PTPRD: variants seen among roughly 807,000 people sequenced by gnomAD.
PTPRD encodes receptor-type tyrosine-protein phosphatase delta.
Under a neutral mutation model 214.5 loss-of-function variants are expected in PTPRD, and 34 were observed. The observed-to-expected ratio is 0.16, with a 90% confidence interval of 0.12 to 0.21. The LOEUF is 0.21. PTPRD is among the 10% of genes least tolerant of loss of function. PTPRD has a pLI of 1.00. For synonymous variants in PTPRD, 1,128 were observed against 845.7 expected (o/e 1.33, Z -5.79); for missense variants, 2,545 against 2,398.7 (o/e 1.06, Z -1.27).
At chr9:9,015,370 G>C (rs933910643) in intron 11 of PTPRD, among the ~76,000 whole-genome samples, 5 of 152,122 alleles carry the variant, frequency 3.3e-5, no homozygotes, top group African/African-American at 1.2e-4. Flanking sequence ...GGCCACAAGA[G>C]TGACCTCTGG....
intron 2 of PTPRD, among the ~76,000 whole-genome samples, chr9:10,528,339 C>G (rs959111370): frequency 3.3e-5 from 5 of 152,172 alleles, no homozygotes; most frequent in African/African-American, 9.6e-5. Flanking sequence ...GTTTCCACAT[C>G]TGCTAATCTA....
At chr9:8,799,839 C>A (rs1348740924) in intron 11 of PTPRD, among the ~76,000 whole-genome samples, 2 of 152,052 alleles carry the variant, frequency 1.3e-5, no homozygotes, top group African/African-American at 2.4e-5. Context: ...GATCTCCCAA[C>A]TCCCCCACAC....
intron 11 of PTPRD, among the ~76,000 whole-genome samples, chr9:8,960,215 A>G (rs2099151730): frequency 1.3e-5 from 2 of 152,082 alleles, no homozygotes; most frequent in Non-Finnish European, 2.9e-5. Flanking sequence ...TCAGGAACAG[A>G]TAAGGTAGTA....
chr9:10,593,690 A>C (rs2076020595), intron 2 of PTPRD, among the ~76,000 whole-genome samples: 1 of 151,996 alleles, frequency 6.6e-6, no homozygotes, highest in East Asian at 1.9e-4. Context: ...TTTTCTAAAA[A>C]TTTTGGCAGA....
chr9:8,443,052 G>C (rs2095600657), intron 34 of PTPRD, among the ~76,000 whole-genome samples: 1 of 152,174 alleles, frequency 6.6e-6, no homozygotes, highest in African/African-American at 2.4e-5. Context: ...GGTTGAGGTG[G>C]GTGGATTACT....
At chr9:9,887,240 T>C (rs2071298240) in intron 5 of PTPRD, among the ~76,000 whole-genome samples, 1 of 152,116 alleles carries the variant, frequency 6.6e-6, no homozygotes, top group Non-Finnish European at 1.5e-5. Context: ...GTATTTACCT[T>C]ATTTACCACC....
chr9:9,262,596 TA>T (rs1253411940), intron 9 of PTPRD, among the ~76,000 whole-genome samples: 3 of 150,222 alleles, frequency 2.0e-5, no homozygotes, highest in Admixed American at 1.3e-4. Context: ...TATAAATGAG[TA>T]AAAAAAAATG....
chr9:10,379,208 C>T (rs1004084120), intron 2 of PTPRD, among the ~76,000 whole-genome samples: 18 of 150,928 alleles, frequency 1.2e-4, no homozygotes, highest in Non-Finnish European at 2.4e-4. Context: ...CACAATCCTG[C>T]AAATTTAAAG....
At chr9:10,159,421 G>A (rs1301529813) in intron 3 of PTPRD, among the ~76,000 whole-genome samples, 1 of 151,784 alleles carries the variant, frequency 6.6e-6, no homozygotes, top group Admixed American at 6.6e-5. Context: ...AGAGAAGTCT[G>A]GAATAAACAA....
intron 9 of PTPRD, among the ~76,000 whole-genome samples, chr9:9,282,526 G>C (rs1948079032): frequency 6.6e-6 from 1 of 151,276 alleles, no homozygotes; most frequent in Non-Finnish European, 1.5e-5. Flanking sequence ...GTTTATGTGA[G>C]TATTTAAATT....
At chr9:8,343,756 T>C (rs1854796010) in intron 39 of PTPRD, among the ~76,000 whole-genome samples, 1 of 152,046 alleles carries the variant, frequency 6.6e-6, no homozygotes, top group Non-Finnish European at 1.5e-5. Context: ...AAAATATTTG[T>C]GTGCCCTACA....
chr9:8,760,494 C>T (rs73421301), intron 11 of PTPRD, among the ~76,000 whole-genome samples: 7,121 of 152,168 alleles, frequency 0.047, 414 homozygotes, highest in African/African-American at 0.14. Flanking sequence ...TCCCCACCTA[C>T]TCATTTTCTA....
chr9:9,915,863 A>G (rs1191663265), intron 5 of PTPRD, among the ~76,000 whole-genome samples: 2 of 152,080 alleles, frequency 1.3e-5, no homozygotes, highest in African/African-American at 2.4e-5. Flanking sequence ...AGATCCAGGA[A>G]GGTCAAAGAA....
At chr9:9,966,733 T>C (rs1296355863) in intron 4 of PTPRD, among the ~76,000 whole-genome samples, 3 of 152,136 alleles carry the variant, frequency 2.0e-5, no homozygotes, top group Non-Finnish European at 4.4e-5. Context: ...CTTCGGTCAG[T>C]GTTAACTGCT....
chr9:8,475,142 C>G (rs2096737669), intron 30 of PTPRD, among the ~76,000 whole-genome samples: 1 of 152,146 alleles, frequency 6.6e-6, no homozygotes, highest in Non-Finnish European at 1.5e-5. Flanking sequence ...CCTTCACTTC[C>G]CAGCTGACTA....
chr9:8,891,746 C>T (rs1012600307), intron 11 of PTPRD, among the ~76,000 whole-genome samples: 1 of 152,068 alleles, frequency 6.6e-6, no homozygotes, highest in Non-Finnish European at 1.5e-5. Flanking sequence ...TGAGTAAATG[C>T]ATTGAAAACA....
chr9:10,106,868 G>T (rs894398841), intron 3 of PTPRD, among the ~76,000 whole-genome samples: 1 of 151,908 alleles, frequency 6.6e-6, no homozygotes, highest in African/African-American at 2.4e-5. Flanking sequence ...ATACAGAAAG[G>T]AAAGGGAGAG....
Position 8,613,020 on chromosome 9 carries a change from A to G in PTPRD, c.352+20297T>C, listed in dbSNP as rs186762659. Reference sequence around the variant, plus strand: ...AATAACACCAGTAGTTAGTACTTTCATGTGTTTATATTCAACATTCTGTCA... The same window carrying G: ...AATAACACCAGTAGTTAGTACTTTCGTGTGTTTATATTCAACATTCTGTCA... On this transcript the variant is annotated intron_variant, in intron 14 of 45. Transcript: ENST00000381196. Among the ~76,000 whole-genome samples, 216 of 152,314 alleles carry G rather than the reference A, an allele frequency of 1.4e-3. 1 individual carries two copies. Among genetic ancestry groups the G allele is most frequent in the African/African-American group, 5.0e-3 (208 of 41,576 alleles).
intron 2 of PTPRD, among the ~76,000 whole-genome samples, chr9:10,607,262 T>A (rs556836406): frequency 6.6e-6 from 1 of 151,934 alleles, no homozygotes; most frequent in Non-Finnish European, 1.5e-5. Context: ...GACTCATTAT[T>A]AAAGGCAACG....
Sources: allele counts gnomAD v4.1 joint callset (sites outside exome capture counted in the v4.1 genomes callset), GRCh38; gene constraint gnomAD v4.1.1; transcripts MANE v1.5; gene names NCBI Gene and HGNC (gene_info 2026-07-23, HGNC 2026-07-21).